DNAH11: variants seen among roughly 807,000 people sequenced by gnomAD.
DNAH11 encodes dynein axonemal heavy chain 11.
In DNAH11, 442 loss-of-function variants were observed where a neutral mutation model predicts 526.0. That is an observed-to-expected ratio of 0.84 (90% confidence interval 0.78 to 0.91). The LOEUF is 0.91. Among genes scored for constraint, DNAH11 ranks in the 40% least tolerant of loss-of-function variants. The pLI is 0.00. For missense variants in DNAH11, 6,989 were observed against 5,448.7 expected, an observed-to-expected ratio of 1.28 and a Z score of -8.90; for synonymous variants, 2,461 against 1,935.9, an observed-to-expected ratio of 1.27 and a Z score of -7.12.
intron 62 of DNAH11, among the ~76,000 whole-genome samples, chr7:21,802,803 C>T (rs1275937333): frequency 6.6e-6 from 1 of 151,780 alleles, no homozygotes; most frequent in Non-Finnish European, 1.5e-5. Flanking sequence ...TTTATAGACG[C>T]AAAATAGACT....
rs199627577 is a variant in DNAH11, at chr7:21,866,481, C to G, written c.11508C>G (p.Val3836=). ...CTATCATATTACAGGCAATTGCCGT[C>G]ATGGAAGAATTTCGAGGCATAGACC... ...QSWSAIKAIA[V]MEEFRGIDRD... is the part of the protein sequence containing the mutation. Residue 3836 remains valine, a synonymous_variant, in exon 71 of 82, where the codon GTC becomes GTG. Transcript: ENST00000409508. 1.2e-4 allele frequency: 201 copies of G among 1,610,614 alleles called. No homozygotes were observed. The East Asian group carries it at 3.4e-3, about 27-fold the overall frequency.
At chr7:21,787,853 T>C (rs1788259840) in intron 60 of DNAH11, among the ~76,000 whole-genome samples, 1 of 152,170 alleles carries the variant, frequency 6.6e-6, no homozygotes, top group South Asian at 2.1e-4. Flanking sequence ...TTATATGAAT[T>C]TTACTTATTT....
Position 21,747,227 on chromosome 7 carries a change from G to C in DNAH11, c.8511-1353G>C, listed in dbSNP as rs143890807. ...TAGCTTTCCCCAAGGTTGTTTTGTT[G>C]TGTGGTCATGTGAAGTAAAATTTAA... On this transcript the variant is annotated intron_variant, in intron 51 of 81. Coordinates refer to ENST00000409508, the MANE Select transcript of DNAH11 (RefSeq NM_001277115.2). Among the ~76,000 whole-genome samples, 1,279 of 152,276 alleles carry C rather than the reference G, an allele frequency of 8.4e-3. 14 individuals are homozygous for C. The highest frequency in any genetic ancestry group is 0.014 in the Middle Eastern group (4 of 294).
intron 54 of DNAH11, among the ~76,000 whole-genome samples, chr7:21,751,725 T>C (rs1451617648): frequency 1.3e-5 from 2 of 152,178 alleles, no homozygotes; most frequent in African/African-American, 4.8e-5. Flanking sequence ...TCCAACATTC[T>C]GCTATTTCAA....
At chr7:21,895,874 C>T (rs571270222) in intron 79 of DNAH11, among the ~76,000 whole-genome samples, 3 of 152,246 alleles carry the variant, frequency 2.0e-5, no homozygotes, top group South Asian at 2.1e-4. Context: ...GGACTACAGG[C>T]GCCCGCCACC....
intron 45 of DNAH11, among the ~76,000 whole-genome samples, chr7:21,728,151 C>T (rs776527712): frequency 6.6e-6 from 1 of 150,988 alleles, no homozygotes; most frequent in Non-Finnish European, 1.5e-5. Flanking sequence ...CATAATTCAG[C>T]CTGTAACAAT....
chr7:21,895,820 G>C (rs6970450), intron 79 of DNAH11, among the ~76,000 whole-genome samples: 128,504 of 152,110 alleles, frequency 0.84, 55,492 homozygotes, highest in Non-Finnish European at 0.94. Flanking sequence ...AGCTCTGCCT[G>C]CCGGGTTCAC....
chr7:21,614,517 A>T (rs1465713754), intron 20 of DNAH11, among the ~76,000 whole-genome samples: 1 of 152,232 alleles, frequency 6.6e-6, no homozygotes, highest in Non-Finnish European at 1.5e-5. Context: ...AAGAAAAAAC[A>T]TGTCAGCATT....
At chr7:21,782,222 T>G (rs1174305345) in intron 57 of DNAH11, among the ~76,000 whole-genome samples, 1 of 152,220 alleles carries the variant, frequency 6.6e-6, no homozygotes, top group Admixed American at 6.5e-5. Context: ...GAATTTCTGG[T>G]CTACCCAAGG....
chr7:21,658,638 C>T (rs1467245818), intron 29 of DNAH11, among the ~76,000 whole-genome samples, 160 bp from the exon 30 acceptor site: 3 of 152,134 alleles, frequency 2.0e-5, no homozygotes, highest in African/African-American at 7.2e-5. Context: ...ATCCGTTGTT[C>T]ACTTTCCCCT....
chr7:21,623,577 A>G (rs538586343), intron 25 of DNAH11, among the ~76,000 whole-genome samples: 257 of 152,218 alleles, frequency 1.7e-3, no homozygotes, highest in East Asian at 4.2e-3. Flanking sequence ...AATGTCCAAC[A>G]ATGATAGACT....
intron 34 of DNAH11, among the ~76,000 whole-genome samples, chr7:21,689,258 T>C (rs547996370): frequency 6.6e-6 from 1 of 152,356 alleles, no homozygotes; most frequent in East Asian, 1.9e-4. Context: ...CAGATGTCAT[T>C]TGAGGCCATC....
At chr7:21,900,141 A>C in intron 81 of DNAH11, 21 bp downstream of exon 81, 1 of 1,593,048 alleles carries the variant, frequency 6.3e-7, no homozygotes, top group Admixed American at 1.8e-5. Context: ...CCAAGGGGTA[A>C]GTGGGGAACC....
At chr7:21,680,711 T>A (rs537789592) in intron 30 of DNAH11, among the ~76,000 whole-genome samples, 1 of 152,358 alleles carries the variant, frequency 6.6e-6, no homozygotes, top group African/African-American at 2.4e-5. Flanking sequence ...AATATTTATC[T>A]ACGAGTTCGA....
At position 21,591,342 on chromosome 7, in the gene DNAH11, G is replaced by A; in HGVS notation, c.2432G>A (p.Gly811Asp). ...TWLTWQDDCW[G>D]YIERVRAATS... Reference sequence around the variant, plus strand: ...CTGACATGGCAGGATGACTGCTGGGGCTACATCGAGAGGGTGAGGGCAGCC... The same window carrying A: ...CTGACATGGCAGGATGACTGCTGGGACTACATCGAGAGGGTGAGGGCAGCC... Residue 811 changes from glycine to aspartate, a missense_variant, in exon 14 of 82, where the codon GGC becomes GAC. Transcript: ENST00000409508. 2 of 1,613,750 alleles carry A rather than the reference G, an allele frequency of 1.2e-6. No homozygotes were observed. The highest frequency in any genetic ancestry group is 1.3e-5 in the African/African-American group (1 of 75,016).
At chr7:21,889,980 TTTTG>T (rs755810614) in intron 76 of DNAH11, among the ~76,000 whole-genome samples, 29 of 152,274 alleles carry the variant, frequency 1.9e-4, no homozygotes, top group Admixed American at 4.6e-4. Flanking sequence ...ATTTCTCAGG[TTTTG>T]TTTGTTTTTT....
Position 21,687,268 on chromosome 7 carries a change from G to A in DNAH11, c.5778+13G>A. 1 of 1,565,258 alleles carries A rather than the reference G, an allele frequency of 6.4e-7. No individual in the cohort carries two copies. The stretch of plus-strand genomic sequence containing the variant: ...AATGGACTACAAAGTAAGTTAGTAA[G>A]AGAATAATGTGTAAAACTTTATTCT... On this transcript the variant is annotated intron_variant, in intron 33 of 81. Coordinates refer to ENST00000409508, the MANE Select transcript of DNAH11 (RefSeq NM_001277115.2).
At chr7:21,838,714 A>C (rs1418239576) in intron 65 of DNAH11, among the ~76,000 whole-genome samples, 2 of 149,144 alleles carry the variant, frequency 1.3e-5, no homozygotes, top group South Asian at 2.1e-4. Flanking sequence ...TGGATTTTTA[A>C]ACTATTTATT....
chr7:21,863,092 A>C (rs1034653214), intron 69 of DNAH11, among the ~76,000 whole-genome samples: 8 of 151,784 alleles, frequency 5.3e-5, no homozygotes, highest in Non-Finnish European at 7.4e-5. Context: ...AAAAGAAAAG[A>C]AAAAGCGTTC....
Sources: allele counts gnomAD v4.1 joint callset (sites outside exome capture counted in the v4.1 genomes callset), GRCh38; gene constraint gnomAD v4.1.1; transcripts MANE v1.5; gene names NCBI Gene and HGNC (gene_info 2026-07-23, HGNC 2026-07-21).